Variants in FGD3 observed in about 807,000 individuals in gnomAD.
The protein encoded by FGD3 is FYVE, RhoGEF and PH domain-containing protein 3.
Under a neutral mutation model 71.8 loss-of-function variants are expected in FGD3, and 45 were observed. That is an observed-to-expected ratio of 0.63 (90% CI 0.49 to 0.80). The LOEUF (loss-of-function observed/expected upper bound fraction) is 0.80, where lower values mean the gene tolerates loss of function less well. FGD3 is among the 30% of genes least tolerant of loss of function. The pLI is 0.00. For missense variants in FGD3, 844 were observed against 951.5 expected (o/e 0.89, Z 1.49); for synonymous variants, 378 against 392.8 (o/e 0.96, Z 0.44).
rs146246103 is a variant in FGD3, at chr9:92,962,959, A to AAAGAAAAG, written c.-217-12277_-217-12270dup. On this transcript the variant is annotated intron_variant, in intron 1 of 17. Transcript: ENST00000375482. ...CGTCTCAAAAAAAAAAAAAAAAAGA[A>AAAGAAAAG]AAGAAAAGATTAAGTTCAGCAATAT... 0.02 allele frequency among the ~76,000 whole-genome samples: 3,036 copies of AAAGAAAAG among 151,616 alleles called. 313 individuals carry two copies. The East Asian group carries it at 0.33, about 17-fold the overall frequency.
At chr9:92,951,894 G>A (rs569436885) in intron 1 of FGD3, among the ~76,000 whole-genome samples, 102 of 152,206 alleles carry the variant, frequency 6.7e-4, no homozygotes, top group African/African-American at 2.3e-3. Context: ...CTGACTTTAC[G>A]GCTGCAGAGA....
At chr9:92,979,636 T>G (rs1290434147) in intron 3 of FGD3, among the ~76,000 whole-genome samples, 2 of 152,222 alleles carry the variant, frequency 1.3e-5, no homozygotes, top group Non-Finnish European at 2.9e-5. Flanking sequence ...GCTGGAAGTA[T>G]GCCCTCCTCT....
intron 3 of FGD3, among the ~76,000 whole-genome samples, chr9:92,991,181 C>T (rs1860395714): frequency 6.6e-6 from 1 of 152,104 alleles, no homozygotes; most frequent in African/African-American, 2.4e-5. Flanking sequence ...CTAGCTCAAG[C>T]TATTCTCTTG....
chr9:93,033,011 TG>T (rs780960938), intron 16 of FGD3, 138 bp downstream of exon 16: 5 of 864,062 alleles, frequency 5.8e-6, no homozygotes, highest in Non-Finnish European at 5.7e-6. Context: ...TGTGTCTCAG[TG>T]GGGCCCCCAG....
chr9:92,952,332 C>G (rs1213015351), intron 1 of FGD3, among the ~76,000 whole-genome samples: 1 of 150,232 alleles, frequency 6.7e-6, no homozygotes, highest in Non-Finnish European at 1.5e-5. Flanking sequence ...CGCTTCCTGG[C>G]TTCACCCCAT....
intron 5 of FGD3, 116 bp downstream of exon 5, chr9:93,004,253 C>A (rs1860967298): frequency 1.5e-6 from 2 of 1,371,070 alleles, no homozygotes; most frequent in African/African-American, 1.4e-5. Context: ...TGGGCGCCTC[C>A]CTTCTCTGCA....
intron 8 of FGD3, among the ~76,000 whole-genome samples, chr9:93,013,137 C>G (rs1861505622): frequency 6.6e-6 from 1 of 152,238 alleles, no homozygotes; most frequent in African/African-American, 2.4e-5. Flanking sequence ...CCTCTAAGCT[C>G]TCTGCTGCTG....
intron 1 of FGD3, among the ~76,000 whole-genome samples, chr9:92,970,308 A>G (rs988955365): frequency 2.6e-5 from 4 of 152,218 alleles, no homozygotes; most frequent in Admixed American, 1.3e-4. Context: ...GTGTGTATGC[A>G]TTGTCAACCT....
chr9:93,025,685 G>A (rs1040782490), intron 14 of FGD3, among the ~76,000 whole-genome samples: 1 of 152,244 alleles, frequency 6.6e-6, no homozygotes, highest in Non-Finnish European at 1.5e-5. Flanking sequence ...AAGGGGCCTT[G>A]CAGAATTCAA....
chr9:92,978,683 T>TCCTTCCCCTCCCCTC (rs1859868205), intron 3 of FGD3, among the ~76,000 whole-genome samples: 2 of 30,382 alleles, frequency 6.6e-5, no homozygotes, highest in Admixed American at 3.8e-4. Flanking sequence ...TCCCCCCTCT[T>TCCTTCCCCTCCCCTC]CCTTCCCCTC....
chr9:93,011,274 T>C lies in FGD3; in HGVS notation c.1035+2T>C. The C allele has an allele frequency of 6.2e-7, 1 of 1,614,118 alleles. No individual in the cohort carries two copies. Among genetic ancestry groups the C allele is most frequent in the Non-Finnish European group, 8.5e-7 (1 of 1,179,986 alleles). ...TCCAATGCTGCCATTCGGAAAGTGGTGAGTGTGGGGCTCCAGTGGCGACCG... is the reference window on the plus strand; with the variant it reads ...TCCAATGCTGCCATTCGGAAAGTGGCGAGTGTGGGGCTCCAGTGGCGACCG... On this transcript the variant is annotated splice_donor_variant, in intron 8 of 17. Coordinates refer to ENST00000375482, the MANE Select transcript of FGD3 (RefSeq NM_001083536.2). LOFTEE classifies it high-confidence loss of function.
chr9:92,949,609 G>A (rs1014941171), intron 1 of FGD3, among the ~76,000 whole-genome samples: 4 of 152,158 alleles, frequency 2.6e-5, no homozygotes, highest in Admixed American at 6.5e-5. Flanking sequence ...CACCCTCAGG[G>A]ACAGGATGGG....
At position 93,003,114 on chromosome 9, in the gene FGD3, T is replaced by A; in HGVS notation, c.543+100T>A. On this transcript the variant is annotated intron_variant, in intron 4 of 17. Transcript: ENST00000375482. This position sits in a 1 kb window ranked among gnomAD's most constrained non-coding sequence, Gnocchi z 4.1. ...CTTAAATACTAAAACTCAGACAAAT[T>A]TAAGTCTGGTCTACAAACTTTTTTT... The A allele has an allele frequency of 1.7e-6, 2 of 1,206,324 alleles. No homozygotes were observed. Among genetic ancestry groups the A allele is most frequent in the Non-Finnish European group, 2.4e-6 (2 of 844,068 alleles). The allele number at this position is 1,206,324 out of a possible 1,614,324, so 74.7% of individuals were successfully genotyped here.
intron 3 of FGD3, among the ~76,000 whole-genome samples, chr9:92,998,757 G>C (rs1860743706): frequency 6.6e-6 from 1 of 152,180 alleles, no homozygotes; most frequent in Non-Finnish European, 1.5e-5. Flanking sequence ...CTGTTTGCCT[G>C]GGTATCACAA....
intron 1 of FGD3, among the ~76,000 whole-genome samples, chr9:92,972,429 T>C (rs1859571368): frequency 7.1e-6 from 1 of 140,352 alleles, no homozygotes; most frequent in South Asian, 2.2e-4. Flanking sequence ...CTCCAGTCTG[T>C]GTGACAGAGC....
At chr9:92,971,561 C>CTTTTTTTTTTTTTTT (rs1318618124) in intron 1 of FGD3, among the ~76,000 whole-genome samples, 1 of 63,246 alleles carries the variant, frequency 1.6e-5, no homozygotes, top group Non-Finnish European at 2.9e-5. Flanking sequence ...CTTTTCTTTT[C>CTTTTTTTTTTTTTTT]TTTTCTTTTT....
chr9:93,033,748 C>T (rs746827714), intron 16 of FGD3: 2 of 151,584 alleles, frequency 1.3e-5, no homozygotes, highest in Non-Finnish European at 2.9e-5. Flanking sequence ...GTTGATCTCC[C>T]TCCTAGAGGC....
chr9:93,017,670 C>T (rs750277613), intron 10 of FGD3, among the ~76,000 whole-genome samples: 7 of 152,142 alleles, frequency 4.6e-5, no homozygotes, highest in African/African-American at 1.7e-4. Context: ...AATCTCAGGG[C>T]GCACCTGCTC....
At chr9:93,029,046 A>G (rs10992593) in intron 14 of FGD3, among the ~76,000 whole-genome samples, 17,811 of 105,414 alleles carry the variant, frequency 0.17, 1,507 homozygotes, top group South Asian at 0.19. Flanking sequence ...TTGAGACAGA[A>G]TCTCGCTCTA....
Sources: allele counts gnomAD v4.1 joint callset (sites outside exome capture counted in the v4.1 genomes callset), GRCh38; gene constraint gnomAD v4.1.1; non-coding constraint Gnocchi (gnomAD v3.1); transcripts MANE v1.5; gene names NCBI Gene and HGNC (gene_info 2026-07-23, HGNC 2026-07-21).